The following ATP13A5 variants were observed in gnomAD, a reference collection of about 807,000 sequenced individuals.
ATP13A5 encodes probable cation-transporting ATPase 13A5.
ATP13A5 carries 149 observed loss-of-function variants against 150.2 expected under a neutral mutation model. That is an observed-to-expected ratio of 0.99 (90% CI 0.87 to 1.14). The LOEUF (loss-of-function observed/expected upper bound fraction) is 1.14, where lower values mean the gene tolerates loss of function less well. Ranked by LOEUF, ATP13A5 falls within the 50% of genes most tolerant of loss-of-function variation. ATP13A5 has a pLI of 0.00. For synonymous variants in ATP13A5, 497 were observed against 522.2 expected (o/e 0.95, Z 0.66); for missense variants, 1,383 against 1,449.3 (o/e 0.95, Z 0.74).
intron 28 of ATP13A5, among the ~76,000 whole-genome samples, chr3:193,278,439 A>C (rs1355654130): frequency 6.6e-6 from 1 of 152,086 alleles, no homozygotes. Context: ...ATTCTTGTTC[A>C]TACTCCACAG....
At chr3:193,336,167 T>C (rs1396900035) in intron 9 of ATP13A5, among the ~76,000 whole-genome samples, 1 of 152,138 alleles carries the variant, frequency 6.6e-6, no homozygotes, top group Admixed American at 6.6e-5. Context: ...GAACAAGAAC[T>C]TTGACATATA....
chr3:193,360,343 A>C (rs1323554922), intron 5 of ATP13A5, among the ~76,000 whole-genome samples: 1 of 152,226 alleles, frequency 6.6e-6, no homozygotes, highest in African/African-American at 2.4e-5. Context: ...AAAAGTTTGC[A>C]TGTAAACTCT....
At chr3:193,336,560 A>G (rs531759505) in intron 9 of ATP13A5, among the ~76,000 whole-genome samples, 1 of 152,376 alleles carries the variant, frequency 6.6e-6, no homozygotes, top group Non-Finnish European at 1.5e-5. Flanking sequence ...TACAAAGGAC[A>G]TGAACTCATC....
chr3:193,334,054 A>AT, intron 10 of ATP13A5, 147 bp from the exon 11 acceptor site: 1 of 699,488 alleles, frequency 1.4e-6, no homozygotes, highest in Non-Finnish European at 2.2e-6. Flanking sequence ...GGTTTTCATG[A>AT]TTTTTAACCA....
chr3:193,310,239 C>T (rs935747151), intron 21 of ATP13A5, among the ~76,000 whole-genome samples: 18 of 152,080 alleles, frequency 1.2e-4, no homozygotes, highest in Non-Finnish European at 2.5e-4. Context: ...ATGGTGTGTA[C>T]GTACCACATT....
Position 193,301,322 on chromosome 3 carries a change from AT to A in ATP13A5, c.2679-16del. On this transcript the variant is annotated splice_polypyrimidine_tract_variant and intron_variant, in intron 23 of 29. Transcript: ENST00000342358. ...CTCGGCCTTCTCTGTTTAAAAAGAA[AT>A]AAAAATAAAAATTGGTTATGTATGA... 6.3e-7 allele frequency: 1 copy of A among 1,590,616 alleles called. No homozygotes were observed.
At chr3:193,333,317 T>C (rs535229083) in intron 11 of ATP13A5, among the ~76,000 whole-genome samples, 1 of 152,262 alleles carries the variant, frequency 6.6e-6, no homozygotes, top group Non-Finnish European at 1.5e-5. Flanking sequence ...GATCCCAGAC[T>C]TTCTTATTTT....
intron 8 of ATP13A5, among the ~76,000 whole-genome samples, chr3:193,344,654 T>A (rs1399881035): frequency 1.3e-5 from 2 of 152,142 alleles, no homozygotes; most frequent in African/African-American, 4.8e-5. Flanking sequence ...GTTTACCCAA[T>A]GTTATTCGAA....
At chr3:193,363,442 A>G (rs1006393024) in intron 2 of ATP13A5, 60 bp from the exon 3 acceptor site, 3 of 1,471,388 alleles carry the variant, frequency 2.0e-6, no homozygotes, top group Non-Finnish European at 2.8e-6. Context: ...GTGCTCAATC[A>G]ACCAAATACC....
At chr3:193,313,783 C>T (rs1391961829) in intron 19 of ATP13A5, 1 of 413,762 alleles carries the variant, frequency 2.4e-6, no homozygotes, top group Non-Finnish European at 4.3e-6. Context: ...GGGAAAAGCA[C>T]CTGATGCCAG....
chr3:193,368,607 A>T (rs183986363), intron 1 of ATP13A5, among the ~76,000 whole-genome samples: 11 of 152,336 alleles, frequency 7.2e-5, no homozygotes, highest in African/African-American at 2.6e-4. Context: ...CAACAAAACA[A>T]AGTCCAAAAA....
intron 9 of ATP13A5, among the ~76,000 whole-genome samples, chr3:193,339,670 G>GT (rs1005394299): frequency 1.1e-4 from 16 of 151,664 alleles, no homozygotes; most frequent in African/African-American, 3.6e-4. Context: ...TTGTGTAGAT[G>GT]TATCAATTGC....
intron 13 of ATP13A5, among the ~76,000 whole-genome samples, chr3:193,325,765 A>G (rs906415262): frequency 1.3e-5 from 2 of 152,192 alleles, no homozygotes; most frequent in African/African-American, 4.8e-5. Context: ...TTTCTCTTTG[A>G]TAATACAAAC....
intron 23 of ATP13A5, 39 bp from the exon 24 acceptor site, chr3:193,301,346 T>G: frequency 6.7e-7 from 1 of 1,502,266 alleles, no homozygotes; most frequent in South Asian, 1.2e-5. Context: ...TGGTTATGTA[T>G]GATAAATGTC....
Position 193,364,172 on chromosome 3 carries a change from TC to T in ATP13A5, c.171del (p.Trp57Ter), listed in dbSNP as rs148224926. The T allele has an allele frequency of 4.0e-3, 6,447 of 1,614,014 alleles. 16 individuals are homozygous for T. The highest frequency in any genetic ancestry group is 5.0e-3 in the Non-Finnish European group (5,931 of 1,179,960). ...LLLVFYWRPQ[W>X]RVWANCIPCP... ...CATGGGATGCAGTTGGCCCACACTC[TC>T]CACTGGGGTCTCCAGTAGAACACCA... On this transcript the variant is annotated frameshift_variant, in exon 2 of 30. Coordinates refer to ENST00000342358, the MANE Select transcript of ATP13A5 (RefSeq NM_198505.4). LOFTEE classifies it high-confidence loss of function.
chr3:193,376,232 A>G (rs578238950), intron 1 of ATP13A5, among the ~76,000 whole-genome samples: 35 of 152,346 alleles, frequency 2.3e-4, no homozygotes, highest in African/African-American at 8.2e-4. Context: ...ATTTAAAAAC[A>G]TCTATTTCTA....
chr3:193,317,261 C>G (rs1719084775), intron 17 of ATP13A5, among the ~76,000 whole-genome samples: 2 of 152,180 alleles, frequency 1.3e-5, no homozygotes, highest in African/African-American at 4.8e-5. Context: ...GGCAAAATGA[C>G]ATTCTCTGTC....
chr3:193,369,035 G>C (rs896782330), intron 1 of ATP13A5, among the ~76,000 whole-genome samples: 9 of 152,144 alleles, frequency 5.9e-5, no homozygotes, highest in African/African-American at 2.2e-4. Flanking sequence ...CTTGAGGCCA[G>C]GAGTTCAAGA....
intron 11 of ATP13A5, among the ~76,000 whole-genome samples, chr3:193,333,194 C>A (rs961245066): frequency 1.3e-5 from 2 of 151,214 alleles, no homozygotes; most frequent in African/African-American, 4.9e-5. Context: ...CACACACACA[C>A]GCTCATTGAT....
Sources: gnomAD v4.1 joint callset for allele counts (sites outside exome capture counted in the v4.1 genomes callset) on GRCh38, gnomAD v4.1.1 for gene constraint, MANE v1.5 for transcripts, NCBI Gene and HGNC (gene_info 2026-07-23, HGNC 2026-07-21) for gene names.